ENGASE: variants seen among roughly 807,000 people sequenced by gnomAD.
ENGASE encodes the protein cytosolic endo-beta-N-acetylglucosaminidase.
Under a neutral mutation model 78.5 loss-of-function variants are expected in ENGASE, and 69 were observed. The ratio of observed to expected loss-of-function variants is 0.88; its 90% confidence interval spans 0.72 to 1.07. The LOEUF (loss-of-function observed/expected upper bound fraction) is 1.07, where lower values mean the gene tolerates loss of function less well. Ranked by LOEUF, ENGASE falls within the 50% of genes least tolerant of loss-of-function variation. The pLI, the probability that ENGASE is intolerant of heterozygous loss-of-function variation, is 0.00. For synonymous variants in ENGASE, 408 were observed against 408.9 expected (o/e 1.00, Z 0.03); for missense variants, 943 against 988.4 (o/e 0.95, Z 0.62).
chr17:79,082,138 A>G (rs779705442), intron 7 of ENGASE, 75 bp downstream of exon 7: 214 of 1,612,502 alleles, frequency 1.3e-4, no homozygotes, highest in Non-Finnish European at 1.8e-4. Flanking sequence ...TGGACCTTCC[A>G]TTCCCGTCTG....
chr17:79,075,183 G>T, intron 1 of ENGASE, 93 bp downstream of exon 1: 14 of 1,174,762 alleles, frequency 1.2e-5, no homozygotes, highest in Non-Finnish European at 1.5e-5. Context: ...CGCGCCGAGG[G>T]GCGGGGGGCC....
chr17:79,080,498 C>T (rs2073100302), intron 5 of ENGASE, 134 bp downstream of exon 5: 2 of 1,000,834 alleles, frequency 2.0e-6, no homozygotes, highest in South Asian at 1.5e-5. Flanking sequence ...CTTCTCGCCT[C>T]CCAGGCAGTG....
Position 79,086,584 on chromosome 17 carries a change from TTC to T in ENGASE, c.*237_*238del, listed in dbSNP as rs1423884411. On this transcript the variant is annotated 3_prime_UTR_variant, in exon 14 of 14. Coordinates refer to ENST00000579016, the MANE Select transcript of ENGASE (RefSeq NM_001042573.3). ...GTCACTGCGAGGCGAGTGGCGGGCT[TTC>T]TGTTTCTGCCTTGTCCCTCCCCACG... The T allele has an allele frequency of 1.0e-5, 6 of 580,828 alleles. No individual in the cohort carries two copies. The highest frequency in any genetic ancestry group is 1.8e-5 in the Non-Finnish European group (6 of 329,142). 36.0% of individuals were successfully genotyped at this position (580,828 alleles called of 1,614,324 possible).
In ENGASE at chr17:79,086,019, T is replaced by TGATG; in HGVS notation, c.1904_1905insTGGA (p.Glu635AspfsTer38). ...ACATCCGCTGGCAGCCATCCGCCTC[T>TGATG]GAGCGGGAGGGGCCCCCTGCTCTGC... On this transcript the variant is annotated frameshift_variant, in exon 14 of 14. Transcript: ENST00000579016. LOFTEE classifies it low-confidence loss of function (END_TRUNC). The TGATG allele has an allele frequency of 1.9e-6, 3 of 1,612,598 alleles. No individual in the cohort carries two copies. The highest frequency in any genetic ancestry group is 2.5e-6 in the Non-Finnish European group (3 of 1,180,022).
rs921729978 is a variant in ENGASE at position 79,084,781 on chromosome 17, T to C, written c.1591+95T>C. The C allele has an allele frequency of 4.9e-5, 67 of 1,380,820 alleles. No individual in the cohort carries two copies. In the Middle Eastern group the frequency reaches 8.8e-4, roughly 18 times the overall value. The allele number at this position is 1,380,820 out of a possible 1,614,324, so 85.5% of individuals were successfully genotyped here. On this transcript the variant is annotated intron_variant, in intron 11 of 13. Transcript: ENST00000579016. ...CTCCTGGGGTGTGGGGAGGAGCTGG[T>C]GTGGACAGTGGGGGGGTACATCCTG...
intron 5 of ENGASE, among the ~76,000 whole-genome samples, 176 bp from the exon 6 acceptor site, chr17:79,080,749 T>G (rs1461115904): frequency 6.6e-6 from 1 of 152,162 alleles, no homozygotes; most frequent in African/African-American, 2.4e-5. Context: ...GAAAGGACGG[T>G]CGTCTGTTTG....
At chr17:79,082,277 A>G in intron 7 of ENGASE, 1 of 1,504,412 alleles carries the variant, frequency 6.6e-7, no homozygotes, top group Non-Finnish European at 8.9e-7. Flanking sequence ...CTACAATCAG[A>G]TAATGTATTT....
chr17:79,084,794 G>C (rs1295185362), intron 11 of ENGASE, 108 bp downstream of exon 11: 2 of 1,264,772 alleles, frequency 1.6e-6, no homozygotes, highest in Non-Finnish European at 2.2e-6. Flanking sequence ...GGACAGTGGG[G>C]GGGTACATCC....
Position 79,079,588 on chromosome 17 carries a change from C to T in ENGASE, c.516C>T (p.Pro172=), listed in dbSNP as rs3744184. 375,898 of 1,606,326 alleles carry T rather than the reference C, an allele frequency of 0.23. 52,222 individuals carry two copies. The highest frequency in any genetic ancestry group is 0.55 in the African/African-American group (40,724 of 73,974). The change falls in exon 4 of 14, where the codon CCC becomes CCT. Residue 172 remains proline, a synonymous_variant. Coordinates refer to ENST00000579016, the MANE Select transcript of ENGASE (RefSeq NM_001042573.3). The part of the protein sequence containing the change: ...VYFSHHTVTI[P]PVGWTNTAHR... ...TCAGCCACCACACCGTCACCATTCCCCCAGTGGGCTGGACCAACACTGCCC... is the reference window on the plus strand; with the variant it reads ...TCAGCCACCACACCGTCACCATTCCTCCAGTGGGCTGGACCAACACTGCCC...
rs753042120 is a variant in ENGASE at position 79,077,876 on chromosome 17, G to C, written c.416+12G>C. 2.5e-6 allele frequency: 4 copies of C among 1,604,568 alleles called. No homozygotes were observed. The highest frequency in any genetic ancestry group is 3.4e-6 in the Non-Finnish European group (4 of 1,176,298). On this transcript the variant is annotated intron_variant, in intron 3 of 13. Transcript: ENST00000579016. ...TACCTGGATGACAGGTGAGGACCTG[G>C]CCTTACATTGATGTTGCTTACATTG...
intron 1 of ENGASE, chr17:79,075,711 G>A (rs1303834006): frequency 2.0e-6 from 2 of 985,356 alleles, no homozygotes; most frequent in Admixed American, 1.2e-4. Flanking sequence ...TAGGAGCACA[G>A]ACATGGCTTC....
chr17:79,078,934 A>G (rs2073038901), intron 3 of ENGASE, among the ~76,000 whole-genome samples: 2 of 152,130 alleles, frequency 1.3e-5, no homozygotes, highest in Non-Finnish European at 1.5e-5. Context: ...CACAGGGGGT[A>G]GCAGTGCTCG....
rs2073098236 is a variant in ENGASE, at chr17:79,080,426, C to CT, written c.723+65dup. ...GCTGTGTTGCCGCCCACCTCCACCT[C>CT]TTTCCTGCCTTGGCCTCACCTCGCC... On this transcript the variant is annotated intron_variant, in intron 5 of 13. Coordinates refer to ENST00000579016, the MANE Select transcript of ENGASE (RefSeq NM_001042573.3). The CT allele has an allele frequency of 4.4e-6, 7 of 1,582,358 alleles. No individual in the cohort carries two copies. The Admixed American group carries it at 1.2e-4, about 27-fold the overall frequency.
intron 1 of ENGASE, chr17:79,075,893 T>G: frequency 1.0e-6 from 1 of 985,298 alleles, no homozygotes; most frequent in Non-Finnish European, 1.2e-6. Context: ...GTGACAAAGG[T>G]GACCTGGTGT....
rs1182831617 is a variant in ENGASE, at chr17:79,079,650, G to C, written c.565+13G>C. On this transcript the variant is annotated intron_variant, in intron 4 of 13. Transcript: ENST00000579016. Reference sequence around the variant, plus strand: ...GTCTGCGTGCTGGGTAAGAGCCAAGGACTCACCTCTGTGTCAGCCAGACTC... The same window carrying C: ...GTCTGCGTGCTGGGTAAGAGCCAAGCACTCACCTCTGTGTCAGCCAGACTC... 6.2e-7 allele frequency: 1 copy of C among 1,610,788 alleles called. No homozygotes were observed. Among genetic ancestry groups the C allele is most frequent in the South Asian group, 1.1e-5 (1 of 90,482 alleles).
chr17:79,084,045 C>A (rs2073222058), intron 10 of ENGASE, 94 bp downstream of exon 10: 3 of 1,143,484 alleles, frequency 2.6e-6, no homozygotes, highest in Admixed American at 2.6e-5. Context: ...GAGGCCAGAA[C>A]AAGGACAGAG....
In ENGASE at chr17:79,076,158, C is replaced by G. The variant is rs540925445; in HGVS notation, c.146+1068C>G. The stretch of plus-strand genomic sequence containing the variant: ...ATGGCAGTGGAGTGATGGCAGATGA[C>G]AACTCAGTGAACAAAGAAGTGGCCT... On this transcript the variant is annotated intron_variant, in intron 1 of 13. Transcript: ENST00000579016. Among the ~76,000 whole-genome samples, 3 of 152,308 alleles carry G rather than the reference C, an allele frequency of 2.0e-5. No individual in the cohort carries two copies. The South Asian group carries it at 6.2e-4, about 32-fold the overall frequency.
Position 79,083,739 on chromosome 17 carries a change from CCT to C in ENGASE, c.1252-21_1252-20del, listed in dbSNP as rs1336156495. On this transcript the variant is annotated intron_variant, in intron 9 of 13. Transcript: ENST00000579016. This position sits in a 1 kb window ranked among gnomAD's most constrained non-coding sequence, Gnocchi z 4.9. ...GCTCTGTTGGCCTCTGCTGAGTGCC[CCT>C]GTTCTGCCCTTTTCTTCAGGAAGAG... 7.5e-6 allele frequency: 12 copies of C among 1,599,904 alleles called. No individual in the cohort carries two copies. Among genetic ancestry groups the C allele is most frequent in the Non-Finnish European group, 1.0e-5 (12 of 1,172,338 alleles).
rs1226280157 is a variant in ENGASE at position 79,088,068 on chromosome 17, TC to T, written c.*1721del. The T allele has an allele frequency of 6.6e-6, 1 of 152,378 alleles. No individual in the cohort carries two copies. The highest frequency in any genetic ancestry group is 1.9e-4 in the East Asian group (1 of 5,192). 9.4% of individuals were successfully genotyped at this position (152,378 alleles called of 1,614,324 possible). A position where few individuals can be genotyped will look rare whatever the true frequency, so the allele number is the denominator to read the frequency against. ...CAGCCTGGAGCCAGCCCGGGGACTG[TC>T]CTGGGTGGAGGGCAGGTGAACACAA... On this transcript the variant is annotated 3_prime_UTR_variant, in exon 14 of 14. Transcript: ENST00000579016.
Sources: allele counts gnomAD v4.1 joint callset (sites outside exome capture counted in the v4.1 genomes callset), GRCh38; gene constraint gnomAD v4.1.1; non-coding constraint Gnocchi (gnomAD v3.1); transcripts MANE v1.5; gene names NCBI Gene and HGNC (gene_info 2026-07-23, HGNC 2026-07-21).